The following CTNNA2 variants were observed in gnomAD, a reference collection of about 807,000 sequenced individuals.
CTNNA2 encodes the protein catenin alpha 2.
In CTNNA2, 42 loss-of-function variants were observed where a neutral mutation model predicts 101.0. The observed-to-expected ratio is 0.42, with a 90% CI of 0.32 to 0.54. The LOEUF (loss-of-function observed/expected upper bound fraction) is 0.54, where lower values mean the gene tolerates loss of function less well. CTNNA2 is among the 20% of genes least tolerant of loss of function. The pLI, the probability that CTNNA2 is intolerant of heterozygous loss-of-function variation, is 0.14. For missense variants in CTNNA2, 871 were observed against 1,223.1 expected, an observed-to-expected ratio of 0.71 and a Z score of 4.29; for synonymous variants, 450 against 456.4, an observed-to-expected ratio of 0.99 and a Z score of 0.18.
At chr2:80,189,436 T>C (rs1459284257) in intron 7 of CTNNA2, among the ~76,000 whole-genome samples, 2 of 152,182 alleles carry the variant, frequency 1.3e-5, no homozygotes, top group African/African-American at 2.4e-5. Flanking sequence ...TTTGATTCCT[T>C]CTCCATGCTT....
chr2:80,185,481 G>A (rs577779281), intron 7 of CTNNA2, among the ~76,000 whole-genome samples: 1 of 152,160 alleles, frequency 6.6e-6, no homozygotes, highest in Non-Finnish European at 1.5e-5. Context: ...AGGAGGTGGG[G>A]ATCACTGGGA....
rs76393566 is a variant in CTNNA2, at chr2:79,484,260, A to T, written c.-134-20794A>T. ...TGTCACAATAAAATAAAATAAAATA[A>T]AATATAAATGTTAATTAATTAATTA... On this transcript the variant is annotated intron_variant, in intron 4 of 21. Coordinates refer to the CTNNA2 transcript ENST00000466387. 1.8e-3 allele frequency among the ~76,000 whole-genome samples: 270 copies of T among 152,190 alleles called. 1 individual carries two copies. The highest frequency in any genetic ancestry group is 6.3e-3 in the African/African-American group (263 of 41,540).
chr2:79,543,607 T>A (rs994431820), intron 1 of CTNNA2, among the ~76,000 whole-genome samples: 35 of 152,292 alleles, frequency 2.3e-4, no homozygotes, highest in African/African-American at 7.9e-4. Context: ...CAATTGGACC[T>A]TGTTTAATGT....
chr2:79,449,159 T>A (rs1261778256), intron 4 of CTNNA2, among the ~76,000 whole-genome samples: 1 of 152,012 alleles, frequency 6.6e-6, no homozygotes, highest in Admixed American at 6.6e-5. Context: ...TATAAAAATC[T>A]TTACAGGAAA....
intron 1 of CTNNA2, among the ~76,000 whole-genome samples, chr2:79,628,333 A>G (rs1388124029): frequency 1.3e-5 from 2 of 151,912 alleles, no homozygotes; most frequent in Non-Finnish European, 2.9e-5. Flanking sequence ...GGCACCTGTA[A>G]TCCTAGCTGC....
At chr2:79,992,662 G>A (rs543909937) in intron 7 of CTNNA2, among the ~76,000 whole-genome samples, 8 of 152,226 alleles carry the variant, frequency 5.3e-5, no homozygotes, top group East Asian at 1.9e-4. Context: ...AGTAGTTGTC[G>A]AAATTTTGCT....
intron 1 of CTNNA2, among the ~76,000 whole-genome samples, chr2:79,531,806 T>C (rs1672762290): frequency 6.6e-6 from 1 of 151,900 alleles, no homozygotes; most frequent in South Asian, 2.1e-4. Flanking sequence ...CTCTGGTTCC[T>C]GAGTTGCTGG....
intron 2 of CTNNA2, among the ~76,000 whole-genome samples, chr2:79,211,707 G>A (rs932382116): frequency 2.6e-5 from 4 of 152,184 alleles, no homozygotes; most frequent in East Asian, 1.9e-4. Context: ...GGATGTGTAC[G>A]TGCAGGTCAC....
At chr2:79,347,788 C>CTTTT (rs35044310) in intron 3 of CTNNA2, among the ~76,000 whole-genome samples, 2 of 132,688 alleles carry the variant, frequency 1.5e-5, no homozygotes, top group East Asian at 2.2e-4. Flanking sequence ...CCTAGCCTTC[C>CTTTT]TTTTTTTTTT....
intron 7 of CTNNA2, among the ~76,000 whole-genome samples, chr2:80,287,590 T>C (rs1674884716): frequency 1.3e-5 from 2 of 152,202 alleles, no homozygotes; most frequent in African/African-American, 4.8e-5. Flanking sequence ...GTGCCCAGCA[T>C]GTGCAAAATG....
intron 4 of CTNNA2, among the ~76,000 whole-genome samples, chr2:79,406,148 T>A (rs896372): frequency 0.4 from 60,335 of 151,902 alleles, 12,159 homozygotes; most frequent in Middle Eastern, 0.55. Context: ...AGAAAGGTCA[T>A]TGATACTTTA....
chr2:79,491,289 G>A (rs1216651815), intron 4 of CTNNA2, among the ~76,000 whole-genome samples: 1 of 152,120 alleles, frequency 6.6e-6, no homozygotes. Context: ...GGCAGTCTGG[G>A]CAGTAGATGA....
At chr2:79,560,554 T>A (rs1412630172) in intron 1 of CTNNA2, among the ~76,000 whole-genome samples, 1 of 151,886 alleles carries the variant, frequency 6.6e-6, no homozygotes, top group Admixed American at 6.6e-5. Context: ...GTGCAGAGGT[T>A]GGATAGATAA....
intron 9 of CTNNA2, among the ~76,000 whole-genome samples, chr2:80,535,399 G>T (rs1370959149): frequency 2.0e-5 from 3 of 151,956 alleles, no homozygotes; most frequent in South Asian, 2.1e-4. Flanking sequence ...ATCTTATGGC[G>T]GTAACATTTG....
chr2:79,790,741 T>C lies in CTNNA2; in HGVS notation c.298+46159T>C, dbSNP rs150416963. ...TGCTATTTTCTTCAACTTCCAGTTT[T>C]GAGTAAGTGTCCCCTGATCCAATCA... On this transcript the variant is annotated intron_variant, in intron 3 of 18. Coordinates refer to ENST00000402739, the MANE Select transcript of CTNNA2 (RefSeq NM_001282597.3). 5.3e-5 allele frequency among the ~76,000 whole-genome samples: 8 copies of C among 152,314 alleles called. No homozygotes were observed. The East Asian group carries it at 1.5e-3, about 29-fold the overall frequency.
chr2:80,287,517 C>T (rs935621943), intron 7 of CTNNA2, among the ~76,000 whole-genome samples: 5 of 152,074 alleles, frequency 3.3e-5, no homozygotes, highest in South Asian at 2.1e-4. Context: ...GTAATGATGA[C>T]GAGGATGACA....
At chr2:80,413,983 A>G (rs1679818888) in intron 8 of CTNNA2, among the ~76,000 whole-genome samples, 1 of 152,206 alleles carries the variant, frequency 6.6e-6, no homozygotes, top group African/African-American at 2.4e-5. Context: ...ATGGTCAGGC[A>G]TTTATTAAAC....
chr2:79,695,435 G>T (rs894083622), intron 2 of CTNNA2, among the ~76,000 whole-genome samples: 1 of 151,976 alleles, frequency 6.6e-6, no homozygotes, highest in Non-Finnish European at 1.5e-5. Context: ...AGGAATTTAT[G>T]TTGAGCAGGG....
At chr2:79,704,510 C>CTTTTTTTT (rs780311540) in intron 2 of CTNNA2, among the ~76,000 whole-genome samples, 3 of 127,568 alleles carry the variant, frequency 2.4e-5, no homozygotes, top group Non-Finnish European at 4.9e-5. Flanking sequence ...ACTTGTGCTT[C>CTTTTTTTT]TTTTTTTTTT....
Sources: gnomAD v4.1 joint callset for allele counts (sites outside exome capture counted in the v4.1 genomes callset) on GRCh38, gnomAD v4.1.1 for gene constraint, MANE v1.5 for transcripts, NCBI Gene and HGNC (gene_info 2026-07-23, HGNC 2026-07-21) for gene names.